Variants in CNTNAP1 observed in about 807,000 individuals in gnomAD.
The protein encoded by CNTNAP1 is contactin-associated protein 1.
Under a neutral mutation model 161.5 loss-of-function variants are expected in CNTNAP1, and 80 were observed. The observed-to-expected ratio is 0.50, with a 90% CI of 0.41 to 0.60. CNTNAP1 has a LOEUF of 0.60. CNTNAP1 is among the 20% of genes least tolerant of loss of function. The pLI is 0.00. For missense variants in CNTNAP1, 1,464 were observed against 1,854.8 expected, an observed-to-expected ratio of 0.79 and a Z score of 3.87; for synonymous variants, 695 against 733.1, an observed-to-expected ratio of 0.95 and a Z score of 0.84.
rs772669073 is a variant in CNTNAP1 at position 42,692,571 on chromosome 17, T to C, written c.2603T>C (p.Phe868Ser). Reference protein sequence around the residue: ...DENLTVHSDDFEFNDDEWHLV... With the variant: ...DENLTVHSDDSEFNDDEWHLV... ...AACCTCACAGTACACTCAGACGACT[T>C]TGAGTTCAATGATGACGAGTGGCAC... is the stretch of plus-strand genomic sequence containing the variant. The change falls in exon 17 of 24, where the codon TTT (phenylalanine) becomes TCT (serine). Residue 868 changes from phenylalanine to serine, a missense_variant. Physicochemically the swap from Phe to Ser is radical, Grantham distance 155 (BLOSUM62 -2). Coordinates refer to ENST00000264638, the MANE Select transcript of CNTNAP1 (RefSeq NM_003632.3). The C allele has an allele frequency of 1.9e-6, 3 of 1,614,158 alleles. No individual in the cohort carries two copies. Among genetic ancestry groups the C allele is most frequent in the South Asian group, 1.1e-5 (1 of 91,080 alleles).
intron 12 of CNTNAP1, 131 bp downstream of exon 12, chr17:42,690,338 G>T: frequency 8.8e-7 from 1 of 1,140,640 alleles, no homozygotes; most frequent in Non-Finnish European, 1.3e-6. Flanking sequence ...TGAGGAATTT[G>T]TAACCTAGCC....
At position 42,683,882 on chromosome 17, in the gene CNTNAP1, C is replaced by T. The variant is rs1284897698; in HGVS notation, c.129C>T (p.Tyr43=). The T allele has an allele frequency of 1.2e-5, 19 of 1,613,576 alleles. No homozygotes were observed. The highest frequency in any genetic ancestry group is 1.5e-5 in the Non-Finnish European group (18 of 1,179,994). Residue 43 remains tyrosine (Y), a synonymous_variant, in exon 2 of 24, where the codon TAC becomes TAT. Transcript: ENST00000264638. The stretch of plus-strand genomic sequence containing the variant: ...CACGCTCCCTGGGCGCCTCCTCCTA[C>T]TACAGTCTCCTTACTGCGCCGAGAT... ...LYARSLGASS[Y]YSLLTAPRFA...
chr17:42,689,927 G>A, intron 11 of CNTNAP1, 161 bp from the exon 12 acceptor site: 1 of 723,666 alleles, frequency 1.4e-6, no homozygotes, highest in South Asian at 1.7e-5. Context: ...TTTTATTAGA[G>A]ATGGGGTTTC....
chr17:42,689,419 G>C (rs1450284347), intron 10 of CNTNAP1, 102 bp from the exon 11 acceptor site: 1 of 920,378 alleles, frequency 1.1e-6, no homozygotes, highest in African/African-American at 1.6e-5. Flanking sequence ...GTCTCACCGG[G>C]TTCTGGGGCT....
Position 42,693,387 on chromosome 17 carries a change from A to G in CNTNAP1, c.2843A>G (p.Asn948Ser), listed in dbSNP as rs778769699. 1.9e-6 allele frequency: 3 copies of G among 1,613,990 alleles called. No homozygotes were observed. The highest frequency in any genetic ancestry group is 2.7e-5 in the African/African-American group (2 of 74,894). ...GVTLNLEGRA[N>S]ASEGTSPNCT... ...ACTCTGAACCTGGAGGGCCGTGCCA[A>G]TGCCTCTGAGGGTACCTCACCCAAC... Residue 948 changes from asparagine (N) to serine (S), a missense_variant, in exon 18 of 24, where the codon AAT (asparagine) becomes AGT (serine). Coordinates refer to ENST00000264638, the MANE Select transcript of CNTNAP1 (RefSeq NM_003632.3).
intron 23 of CNTNAP1, 87 bp from the exon 24 acceptor site, chr17:42,698,531 G>A (rs1298592990): frequency 5.1e-6 from 6 of 1,168,988 alleles, no homozygotes; most frequent in South Asian, 1.5e-5. Flanking sequence ...ATCTCAAAGA[G>A]TGCGTGTGTG....
Position 42,698,639 on chromosome 17 carries a change from T to C in CNTNAP1, c.3884T>C (p.Leu1295Pro). Residue 1295 changes from leucine (L) to proline (P), a missense_variant, in exon 24 of 24, where the codon CTG (leucine) becomes CCG (proline). Coordinates refer to ENST00000264638, the MANE Select transcript of CNTNAP1 (RefSeq NM_003632.3). ...TCAGTTTTGGTGGCCTTTCTGCTGC[T>C]GGGGCTGGTGGGAATGTTGGTGCTC... is the stretch of plus-strand genomic sequence containing the variant. ...LLGFLVAFLL[L>P]GLVGMLVLFY... 6.2e-7 allele frequency: 1 copy of C among 1,600,130 alleles called. No individual in the cohort carries two copies.
At chr17:42,689,882 A>G in intron 11 of CNTNAP1, 1 of 593,234 alleles carries the variant, frequency 1.7e-6, no homozygotes, top group Non-Finnish European at 3.0e-6. Flanking sequence ...CTGGGACTAC[A>G]GGTGCACACC....
Position 42,687,502 on chromosome 17 carries a change from G to C in CNTNAP1, c.1045-218G>C. 1.6e-6 allele frequency: 1 copy of C among 609,250 alleles called. No homozygotes were observed. The highest frequency in any genetic ancestry group is 2.9e-6 in the Non-Finnish European group (1 of 347,582). The allele number at this position is 609,250 out of a possible 1,614,324, so 37.7% of individuals were successfully genotyped here. On this transcript the variant is annotated intron_variant, in intron 7 of 23. Transcript: ENST00000264638. The surrounding 1 kb of genome is among the most constrained non-coding windows in gnomAD (Gnocchi z 4.7). ...AATCGCAGACGGTGGAGATCAGCGA[G>C]AGCAAGCGAGCAGAGTTCCGAGGGC...
intron 6 of CNTNAP1, 71 bp from the exon 7 acceptor site, chr17:42,686,832 C>T (rs918122537): frequency 4.7e-6 from 7 of 1,497,700 alleles, no homozygotes; most frequent in African/African-American, 1.4e-5. Context: ...GGAAAGCATA[C>T]GGCGGGGACG....
intron 8 of CNTNAP1, 110 bp downstream of exon 8, chr17:42,688,091 A>C (rs554692403): frequency 6.8e-7 from 1 of 1,465,624 alleles, no homozygotes; most frequent in African/African-American, 1.4e-5. Context: ...GAGAGGAGTG[A>C]AGGGGGCAGG....
At position 42,682,885 on chromosome 17, in the gene CNTNAP1, G is replaced by T; in HGVS notation, c.56G>T (p.Gly19Val). 1.2e-6 allele frequency: 2 copies of T among 1,601,328 alleles called. No individual in the cohort carries two copies. Among genetic ancestry groups the T allele is most frequent in the South Asian group, 2.3e-5 (2 of 88,884 alleles). Residue 19 changes from glycine to valine, a missense_variant, in exon 1 of 24, where the codon GGC (glycine) becomes GTC (valine). Gly to Val is a moderately radical substitution (Grantham distance 109). This residue lies in a region of CNTNAP1 where 77 missense variants were observed against 73.6 expected (regional missense o/e 1.05). Coordinates refer to ENST00000264638, the MANE Select transcript of CNTNAP1 (RefSeq NM_003632.3). ...CTCGCCGCGGTCTCAGGAGCCGAGG[G>T]CTGGGGCTACTGTGAGTGTTGGGCT... ...ILLAAVSGAE[G>V]WGYYGCDEEL...
chr17:42,691,101 G>A lies in CNTNAP1; in HGVS notation c.2060-36G>A, dbSNP rs202055475. The A allele has an allele frequency of 1.4e-4, 222 of 1,609,408 alleles. 1 individual carries two copies. The highest frequency in any genetic ancestry group is 9.4e-4 in the Middle Eastern group (5 of 5,344). ...AGAGGAGCCCAGAGGCTAATGGAGG[G>A]ACAGGGCCTGGAAGCTGCCTGCACC... On this transcript the variant is annotated intron_variant, in intron 13 of 23. Transcript: ENST00000264638. This position sits in a 1 kb window ranked among gnomAD's most constrained non-coding sequence, Gnocchi z 4.3.
In CNTNAP1 at chr17:42,697,751, C is replaced by T. The variant is rs748893707; in HGVS notation, c.3766C>T (p.Leu1256Phe). 2 of 1,614,172 alleles carry T rather than the reference C, an allele frequency of 1.2e-6. No homozygotes were observed. The highest frequency in any genetic ancestry group is 2.2e-5 in the South Asian group (2 of 91,086). ...ATCTAATTGCGGAGCTATGCCACGT[C>T]TTGTTTCAGAGGTGCCACCTGAGCT... ...SESNCGAMPR[L>F]VSEVPPELDP... Residue 1256 changes from leucine (L) to phenylalanine (F), a missense_variant, in exon 22 of 24, where the codon CTT (leucine) becomes TTT (phenylalanine). Physicochemically the swap from Leu to Phe is conservative, Grantham distance 22. This residue lies in a region of CNTNAP1 where 1,383 missense variants were observed against 1,765.0 expected (regional missense o/e 0.78). Coordinates refer to ENST00000264638, the MANE Select transcript of CNTNAP1 (RefSeq NM_003632.3).
Position 42,697,794 on chromosome 17 carries a change from C to T in CNTNAP1, c.3809C>T (p.Pro1270Leu). 6.2e-7 allele frequency: 1 copy of T among 1,614,116 alleles called. No individual in the cohort carries two copies. The highest frequency in any genetic ancestry group is 8.5e-7 in the Non-Finnish European group (1 of 1,180,034). The change falls in exon 22 of 24, where the codon CCC becomes CTC. Residue 1270 changes from proline (P) to leucine (L), a missense_variant. By Grantham distance (98) the Pro-to-Leu change is moderately conservative. This residue lies in a region of CNTNAP1 where 1,383 missense variants were observed against 1,765.0 expected (regional missense o/e 0.78). Coordinates refer to ENST00000264638, the MANE Select transcript of CNTNAP1 (RefSeq NM_003632.3). Reference protein sequence around the residue: ...VPPELDPWYLPPDFPYYHDEG... With the variant: ...VPPELDPWYLLPDFPYYHDEG... ...CCTGAGCTTGATCCCTGGTATCTGCCCCCAGGTACATTCCCAGGACACAGA... is the reference window on the plus strand; with the variant it reads ...CCTGAGCTTGATCCCTGGTATCTGCTCCCAGGTACATTCCCAGGACACAGA...
At position 42,685,068 on chromosome 17, in the gene CNTNAP1, C is replaced by T; in HGVS notation, c.441C>T (p.Arg147=). ...LHFHFTARYI[R]IVPLAWNPRG... is the part of the protein sequence containing the mutation. ...TCCACTTCACTGCGCGCTACATCCG[C>T]ATCGTGCCCCTGGCCTGGAACCCAC... Residue 147 remains arginine, a synonymous_variant, in exon 4 of 24, where the codon CGC becomes CGT. Transcript: ENST00000264638. The surrounding 1 kb of genome is among the most constrained non-coding windows in gnomAD (Gnocchi z 5.0). 1 of 1,581,070 alleles carries T rather than the reference C, an allele frequency of 6.3e-7. No individual in the cohort carries two copies. Among genetic ancestry groups the T allele is most frequent in the East Asian group, 2.2e-5 (1 of 44,636 alleles).
At chr17:42,686,417 C>CAA in intron 6 of CNTNAP1, among the ~76,000 whole-genome samples, 1 of 149,706 alleles carries the variant, frequency 6.7e-6, no homozygotes, top group African/African-American at 2.5e-5. Context: ...ATTCCAATTC[C>CAA]TGAATATCCT....
intron 1 of CNTNAP1, chr17:42,683,553 G>A (rs2052965437): frequency 2.3e-6 from 3 of 1,325,950 alleles, no homozygotes; most frequent in Admixed American, 3.4e-5. Context: ...CTAAACCAGG[G>A]CAGGTATTGG....
chr17:42,692,542 T>C lies in CNTNAP1; in HGVS notation c.2574T>C (p.Asp858=). 1.9e-6 allele frequency: 3 copies of C among 1,613,168 alleles called. No individual in the cohort carries two copies. The highest frequency in any genetic ancestry group is 2.5e-6 in the Non-Finnish European group (3 of 1,179,106). The change falls in exon 17 of 24, where the codon GAT becomes GAC. Residue 858 remains aspartate, a synonymous_variant. Transcript: ENST00000264638. ...VVFAFDVGNG[D]ENLTVHSDDF... ...TCGCCTTTGATGTGGGGAATGGGGATGAGAACCTCACAGTACACTCAGACG... is the reference window on the plus strand; with the variant it reads ...TCGCCTTTGATGTGGGGAATGGGGACGAGAACCTCACAGTACACTCAGACG...
Sources: allele counts gnomAD v4.1 joint callset (sites outside exome capture counted in the v4.1 genomes callset), GRCh38; gene constraint gnomAD v4.1.1; regional missense constraint gnomAD v4.1.1; non-coding constraint Gnocchi (gnomAD v3.1); transcripts MANE v1.5; gene names NCBI Gene and HGNC (gene_info 2026-07-23, HGNC 2026-07-21).